Variants in STK32A observed in about 807,000 individuals in gnomAD.
The protein encoded by STK32A is serine/threonine kinase 32A.
Under a neutral mutation model 53.2 loss-of-function variants are expected in STK32A, and 41 were observed. The observed-to-expected ratio is 0.77, with a 90% confidence interval of 0.60 to 1.00. STK32A has a LOEUF of 1.00. Among genes scored for constraint, STK32A ranks in the 50% least tolerant of loss-of-function variants. The pLI is 0.00. For missense variants in STK32A, 458 were observed against 485.8 expected (o/e 0.94, Z 0.54); for synonymous variants, 166 against 162.8 (o/e 1.02, Z -0.15).
chr5:147,271,519 G>T (rs568086495), intron 2 of STK32A, among the ~76,000 whole-genome samples: 6 of 152,140 alleles, frequency 3.9e-5, no homozygotes, highest in African/African-American at 1.4e-4. Flanking sequence ...AACTCTGACC[G>T]CCGGTGAGCC....
At chr5:147,262,358 A>G (rs1158172019) in intron 2 of STK32A, among the ~76,000 whole-genome samples, 1 of 152,174 alleles carries the variant, frequency 6.6e-6, no homozygotes, top group Non-Finnish European at 1.5e-5. Flanking sequence ...ATATATGTCT[A>G]AAAATGATTT....
intron 2 of STK32A, among the ~76,000 whole-genome samples, chr5:147,276,835 T>C (rs538788999): frequency 6.6e-6 from 1 of 152,268 alleles, no homozygotes; most frequent in South Asian, 2.1e-4. Flanking sequence ...TCTAGGAGAG[T>C]CAGTCCAATT....
Position 147,294,827 on chromosome 5 carries a change from G to A in STK32A, c.260+15429G>A, listed in dbSNP as rs148801096. ...GCCTCCCAAGTAGCTGGGACTACAG[G>A]CATGTGCCACCACACCTGGCTATTT... is the stretch of plus-strand genomic sequence containing the variant. On this transcript the variant is annotated intron_variant, in intron 4 of 12. Coordinates refer to ENST00000397936, the MANE Select transcript of STK32A (RefSeq NM_001112724.2). Among the ~76,000 whole-genome samples, 579 of 152,188 alleles carry A rather than the reference G, an allele frequency of 3.8e-3. 2 individuals carry two copies. Among genetic ancestry groups the A allele is most frequent in the African/African-American group, 0.013 (545 of 41,532 alleles).
intron 6 of STK32A, chr5:147,348,903 T>A: frequency 1.7e-6 from 1 of 575,338 alleles, no homozygotes; most frequent in South Asian, 1.9e-5. Context: ...ACTATGATTA[T>A]CTTTCCAACT....
At chr5:147,399,844 C>T in the STK32A span, among the ~76,000 whole-genome samples, 3 of 152,144 alleles carry the variant, frequency 2.0e-5, no homozygotes, top group African/African-American at 7.2e-5. Context: ...ACGTACTGCT[C>T]TGCAGTATAT....
At chr5:147,378,588 C>T (rs141944617) in intron 11 of STK32A, among the ~76,000 whole-genome samples, 22 of 152,170 alleles carry the variant, frequency 1.4e-4, no homozygotes, top group African/African-American at 5.3e-4. Flanking sequence ...CTCAGAGTCA[C>T]CTTGTTACTC....
At chr5:147,257,242 C>A (rs979474757) in intron 2 of STK32A, among the ~76,000 whole-genome samples, 1 of 145,642 alleles carries the variant, frequency 6.9e-6, no homozygotes. Flanking sequence ...AAAAGCTCTA[C>A]GTCGGGGGCG....
At position 147,385,275 on chromosome 5, in the gene STK32A, T is replaced by C. The variant is rs1047633770; in HGVS notation, c.*1292T>C. 1 of 152,142 alleles carries C rather than the reference T, an allele frequency of 6.6e-6. No individual in the cohort carries two copies. Among genetic ancestry groups the C allele is most frequent in the Non-Finnish European group, 1.5e-5 (1 of 68,042 alleles). 9.4% of individuals were successfully genotyped at this position (152,142 alleles called of 1,614,324 possible). ...GTCTCAGCCTCCTAAGTAGCTGGGA[T>C]CGCATGTGTGTGCCACCATGTGTAG... On this transcript the variant is annotated 3_prime_UTR_variant, in exon 13 of 13. Coordinates refer to ENST00000397936, the MANE Select transcript of STK32A (RefSeq NM_001112724.2).
intron 4 of STK32A, among the ~76,000 whole-genome samples, chr5:147,309,918 TTATTATA>T (rs1461939566): frequency 2.6e-5 from 4 of 152,196 alleles, no homozygotes; most frequent in African/African-American, 9.7e-5. Context: ...TATTTTAATG[TTATTATA>T]TATGTATCAT....
chr5:147,357,122 C>T (rs1378768476), intron 7 of STK32A, among the ~76,000 whole-genome samples: 1 of 152,046 alleles, frequency 6.6e-6, no homozygotes, highest in Non-Finnish European at 1.5e-5. Flanking sequence ...ACAATATATG[C>T]AATTTTTACT....
At chr5:147,285,413 A>G (rs1407154510) in intron 4 of STK32A, among the ~76,000 whole-genome samples, 1 of 152,214 alleles carries the variant, frequency 6.6e-6, no homozygotes, top group Non-Finnish European at 1.5e-5. Flanking sequence ...CATGACCAAG[A>G]ACCCAAAAGC....
chr5:147,290,839 GCA>G (rs1363789459), intron 4 of STK32A, among the ~76,000 whole-genome samples: 1 of 152,124 alleles, frequency 6.6e-6, no homozygotes, highest in African/African-American at 2.4e-5. Context: ...CCACCTGGGA[GCA>G]CAGATTCACT....
the STK32A span, chr5:147,395,656 G>C: frequency 6.2e-7 from 1 of 1,614,116 alleles, no homozygotes; most frequent in Non-Finnish European, 8.5e-7. Context: ...CACCTTTGGG[G>C]GTGGTGGTCA....
intron 8 of STK32A, 85 bp downstream of exon 8, chr5:147,361,699 AG>A (rs1267892529): frequency 2.9e-6 from 3 of 1,027,268 alleles, no homozygotes; most frequent in Non-Finnish European, 4.5e-6. Context: ...CTAAGATCCA[AG>A]CAGTTCACTT....
intron 4 of STK32A, among the ~76,000 whole-genome samples, chr5:147,282,710 T>C (rs1019457805): frequency 6.6e-6 from 1 of 152,138 alleles, no homozygotes; most frequent in African/African-American, 2.4e-5. Context: ...GGACATTATA[T>C]AATGGTAAAA....
intron 5 of STK32A, among the ~76,000 whole-genome samples, chr5:147,339,985 T>C (rs1005950177): frequency 6.6e-6 from 1 of 152,244 alleles, no homozygotes; most frequent in African/African-American, 2.4e-5. Context: ...GTTAAGACTT[T>C]GGGGAATTCC....
chr5:147,367,266 A>G (rs1231305120), intron 8 of STK32A, among the ~76,000 whole-genome samples: 3 of 152,026 alleles, frequency 2.0e-5, no homozygotes, highest in Non-Finnish European at 2.9e-5. Flanking sequence ...GGGTCTTACC[A>G]TGTTGCCCAG....
At chr5:147,287,346 T>C (rs1477582092) in intron 4 of STK32A, among the ~76,000 whole-genome samples, 3 of 152,130 alleles carry the variant, frequency 2.0e-5, no homozygotes, top group Non-Finnish European at 2.9e-5. Flanking sequence ...TATTTAAATA[T>C]GCATACCAAG....
intron 7 of STK32A, among the ~76,000 whole-genome samples, chr5:147,352,900 A>G (rs1272268407): frequency 1.3e-5 from 2 of 152,178 alleles, no homozygotes; most frequent in African/African-American, 4.8e-5. Context: ...GGACCCTCCA[A>G]TGACCAAGAA....
Sources: gnomAD v4.1 joint callset for allele counts (sites outside exome capture counted in the v4.1 genomes callset) on GRCh38, gnomAD v4.1.1 for gene constraint, MANE v1.5 for transcripts, NCBI Gene and HGNC (gene_info 2026-07-23, HGNC 2026-07-21) for gene names.